PKIB: variants seen among roughly 807,000 people sequenced by gnomAD.
The protein encoded by PKIB is cAMP-dependent protein kinase inhibitor beta, also known as PKI-beta.
PKIB carries 2 observed loss-of-function variants against 4.5 expected under a neutral mutation model. The observed-to-expected ratio is 0.44, with a 90% CI of 0.18 to 1.39. The LOEUF (loss-of-function observed/expected upper bound fraction) is 1.39. Ranked by LOEUF, PKIB falls within the 40% of genes most tolerant of loss-of-function variation. The pLI, the probability that PKIB is intolerant of heterozygous loss-of-function variation, is 0.27. For synonymous variants in PKIB, 38 were observed against 36.0 expected, an observed-to-expected ratio of 1.06 and a Z score of -0.20; for missense variants, 94 against 92.6, an observed-to-expected ratio of 1.02 and a Z score of -0.06.
chr6:122,671,336 G>T (rs907703716), intron 2 of PKIB, among the ~76,000 whole-genome samples: 1 of 151,854 alleles, frequency 6.6e-6, no homozygotes, highest in African/African-American at 2.4e-5. Context: ...ACTAGATTTA[G>T]TAGCTCATTG....
chr6:122,701,581 C>A, intron 3 of PKIB: 1 of 1,498,168 alleles, frequency 6.7e-7, no homozygotes, highest in Non-Finnish European at 9.1e-7. Flanking sequence ...CCACATAGGC[C>A]ATAGCTCAAG....
intron 2 of PKIB, among the ~76,000 whole-genome samples, chr6:122,563,373 G>T (rs1773088262): frequency 1.3e-5 from 2 of 152,072 alleles, no homozygotes; most frequent in Non-Finnish European, 2.9e-5. Context: ...GGTGGCAGGG[G>T]GTGCAATGGA....
At chr6:122,518,646 G>C (rs1776836838) in intron 2 of PKIB, among the ~76,000 whole-genome samples, 1 of 151,950 alleles carries the variant, frequency 6.6e-6, no homozygotes, top group African/African-American at 2.4e-5. Context: ...TCTGGCACAT[G>C]GGAGAGGAGG....
At chr6:122,530,094 T>C (rs1010278052) in intron 2 of PKIB, among the ~76,000 whole-genome samples, 1 of 152,078 alleles carries the variant, frequency 6.6e-6, no homozygotes, top group African/African-American at 2.4e-5. Flanking sequence ...TAGTGTCCCA[T>C]AGGCTCTTTT....
At chr6:122,655,915 C>G (rs1302306011) in intron 2 of PKIB, among the ~76,000 whole-genome samples, 1 of 151,984 alleles carries the variant, frequency 6.6e-6, no homozygotes, top group African/African-American at 2.4e-5. Flanking sequence ...CTGTCCAGCT[C>G]TAGAGCTTTG....
In PKIB at chr6:122,633,984, A is replaced by G. The variant is rs1775810868; in HGVS notation, c.-76+617A>G. ...TATCTATCTATCTATCCATCTATCT[A>G]TGACAGATATCTGTATATATTCATA... On this transcript the variant is annotated intron_variant, in intron 2 of 4. Coordinates refer to ENST00000368452, the MANE Select transcript of PKIB (RefSeq NM_181795.3). Among the ~76,000 whole-genome samples the G allele has an allele frequency of 2.6e-5, 4 of 152,002 alleles. No individual in the cohort carries two copies. The South Asian group carries it at 8.3e-4, about 32-fold the overall frequency.
chr6:122,573,126 A>G (rs1037371783), intron 2 of PKIB, among the ~76,000 whole-genome samples: 3 of 152,228 alleles, frequency 2.0e-5, no homozygotes, highest in Admixed American at 6.5e-5. Flanking sequence ...TGAAGCCAGT[A>G]TAACACTAAT....
intron 3 of PKIB, among the ~76,000 whole-genome samples, chr6:122,677,894 T>TTCCTTCCTTCCTTC (rs1582803382): frequency 2.7e-3 from 158 of 58,962 alleles, no homozygotes; most frequent in Admixed American, 2.8e-3. Context: ...TTCCTTCCTT[T>TTCCTTCCTTCCTTC]CTTTCTTTCT....
At chr6:122,608,448 C>G (rs561650268), upstream of PKIB, among the ~76,000 whole-genome samples, 16 of 152,230 alleles carry the variant, frequency 1.1e-4, no homozygotes, top group Non-Finnish European at 1.9e-4. Flanking sequence ...CACTTATGGT[C>G]AGGTCGTGTC....
intron 2 of PKIB, among the ~76,000 whole-genome samples, chr6:122,528,198 A>G (rs1450645053): frequency 2.0e-5 from 3 of 152,182 alleles, no homozygotes; most frequent in African/African-American, 2.4e-5. Flanking sequence ...AGGCACTAGT[A>G]TAGCCACTCC....
chr6:122,725,037 G>A, intron 4 of PKIB, 91 bp from the exon 5 acceptor site: 2 of 997,320 alleles, frequency 2.0e-6, no homozygotes, highest in East Asian at 2.6e-5. Flanking sequence ...AATATGGACG[G>A]TGGACAAAGG....
chr6:122,549,500 G>A (rs536095897), intron 2 of PKIB, among the ~76,000 whole-genome samples: 3 of 152,176 alleles, frequency 2.0e-5, no homozygotes, highest in African/African-American at 7.2e-5. Flanking sequence ...CTTGAAGTTA[G>A]GATCCCAGTC....
chr6:122,634,956 AAAG>A lies in PKIB; in HGVS notation c.-76+1592_-76+1594del, dbSNP rs554935139. ...GACTCCATCTCAAAGAAAAAAAAAA[AAAG>A]AATAGCATGTCTTAATTGAAACCTA... On this transcript the variant is annotated intron_variant, in intron 2 of 4. Transcript: ENST00000368452. Among the ~76,000 whole-genome samples the A allele has an allele frequency of 2.7e-4, 41 of 152,134 alleles. 1 individual carries two copies. The South Asian group carries it at 8.5e-3, about 32-fold the overall frequency.
chr6:122,479,588 C>T (rs1335065903), intron 2 of PKIB: 1 of 152,112 alleles, frequency 6.6e-6, no homozygotes, highest in Non-Finnish European at 1.5e-5. Context: ...ATTTTCTTTG[C>T]CCTCTTTCCT....
At chr6:122,640,990 A>T (rs992010562) in intron 2 of PKIB, among the ~76,000 whole-genome samples, 5 of 152,124 alleles carry the variant, frequency 3.3e-5, no homozygotes, top group Non-Finnish European at 4.4e-5. Flanking sequence ...AATAAAATCA[A>T]TTTCCCACCT....
At chr6:122,576,771 A>T (rs1027038516) in intron 2 of PKIB, among the ~76,000 whole-genome samples, 1 of 148,490 alleles carries the variant, frequency 6.7e-6, no homozygotes, top group Non-Finnish European at 1.5e-5. Flanking sequence ...AGTAAAAGGA[A>T]CTATTTAACA....
intron 2 of PKIB, among the ~76,000 whole-genome samples, chr6:122,576,226 G>A (rs540762831): frequency 2.6e-4 from 40 of 152,230 alleles, no homozygotes; most frequent in Admixed American, 7.9e-4. Context: ...TTGGCTGGGC[G>A]TGGTGGCTCA....
chr6:122,692,245 C>G (rs1376756559), intron 3 of PKIB, among the ~76,000 whole-genome samples: 1 of 152,250 alleles, frequency 6.6e-6, no homozygotes, highest in Admixed American at 6.5e-5. Context: ...CAGCCAGTAG[C>G]AAAGCCAGTC....
chr6:122,676,005 T>G (rs1430501044), intron 3 of PKIB, among the ~76,000 whole-genome samples: 3 of 151,998 alleles, frequency 2.0e-5, no homozygotes, highest in Admixed American at 6.6e-5. Context: ...GGGACGGTTT[T>G]GGGATGATTC....
Sources: gnomAD v4.1 joint callset for allele counts (sites outside exome capture counted in the v4.1 genomes callset) on GRCh38, gnomAD v4.1.1 for gene constraint, MANE v1.5 for transcripts, NCBI Gene and HGNC (gene_info 2026-07-23, HGNC 2026-07-21) for gene names.